Variants in PRKN observed in about 807,000 individuals in gnomAD.
PRKN encodes parkin RBR E3 ubiquitin protein ligase, also known as E3 ubiquitin-protein ligase parkin.
In PRKN, 56 loss-of-function variants were observed where a neutral mutation model predicts 59.5. The ratio of observed to expected loss-of-function variants is 0.94; its 90% confidence interval spans 0.76 to 1.18. PRKN has a LOEUF of 1.18. PRKN is among the 50% of genes most tolerant of loss of function. The probability of loss-of-function intolerance (pLI) is 0.00; values close to 1 mark genes in which losing one functional copy is unlikely to be tolerated. For synonymous variants in PRKN, 250 were observed against 222.1 expected, an observed-to-expected ratio of 1.13 and a Z score of -1.12; for missense variants, 657 against 596.4, an observed-to-expected ratio of 1.10 and a Z score of -1.06.
At chr6:161,662,040 A>G (rs1280400845) in intron 7 of PRKN, among the ~76,000 whole-genome samples, 1 of 152,134 alleles carries the variant, frequency 6.6e-6, no homozygotes, top group Non-Finnish European at 1.5e-5. Context: ...CAAACAAAAA[A>G]ACCATGTAGT....
At chr6:161,892,154 C>T (rs1399168727) in intron 6 of PRKN, among the ~76,000 whole-genome samples, 2 of 152,108 alleles carry the variant, frequency 1.3e-5, no homozygotes, top group Non-Finnish European at 2.9e-5. Context: ...AAATAATGGG[C>T]TGGGTACAGG....
At chr6:161,724,464 T>C (rs889187303) in intron 7 of PRKN, among the ~76,000 whole-genome samples, 2 of 152,180 alleles carry the variant, frequency 1.3e-5, no homozygotes, top group Non-Finnish European at 2.9e-5. Context: ...CCTCTGATGA[T>C]AGTGTGAATT....
chr6:162,694,725 T>G (rs1197287708), intron 1 of PRKN: 3 of 152,254 alleles, frequency 2.0e-5, no homozygotes, highest in Non-Finnish European at 4.4e-5. Context: ...TGTGATTTCA[T>G]GAAAGGATAC....
chr6:162,362,773 C>G (rs1359913883), intron 2 of PRKN, among the ~76,000 whole-genome samples: 1 of 151,932 alleles, frequency 6.6e-6, no homozygotes, highest in Non-Finnish European at 1.5e-5. Flanking sequence ...TCCTCTAGCC[C>G]AGAAAAAAAC....
intron 4 of PRKN, among the ~76,000 whole-genome samples, chr6:162,064,773 A>G (rs1286285192): frequency 6.6e-6 from 1 of 152,258 alleles, no homozygotes; most frequent in African/African-American, 2.4e-5. Context: ...GGGTACTTTC[A>G]TTACATGAAA....
At chr6:161,968,146 G>C (rs1052217784) in intron 6 of PRKN, among the ~76,000 whole-genome samples, 4 of 150,694 alleles carry the variant, frequency 2.7e-5, no homozygotes, top group African/African-American at 9.8e-5. Flanking sequence ...TCAGCCTCCC[G>C]AGTAGCTGGG....
At chr6:162,019,520 T>A (rs1783053606) in intron 5 of PRKN, among the ~76,000 whole-genome samples, 1 of 152,028 alleles carries the variant, frequency 6.6e-6, no homozygotes, top group Non-Finnish European at 1.5e-5. Context: ...TGCAATAACT[T>A]CCCCTGGAAC....
chr6:161,901,603 GA>G (rs1275489484), intron 6 of PRKN, among the ~76,000 whole-genome samples: 9 of 152,174 alleles, frequency 5.9e-5, no homozygotes, highest in African/African-American at 2.2e-4. Flanking sequence ...CTGGCATACA[GA>G]AACAACGGCA....
At chr6:162,021,448 T>C (rs1210203804) in intron 5 of PRKN, among the ~76,000 whole-genome samples, 1 of 6,916 alleles carries the variant, frequency 1.4e-4, no homozygotes, top group African/African-American at 3.3e-4. Context: ...AATATATATA[T>C]ATATATATAT....
intron 1 of PRKN, among the ~76,000 whole-genome samples, chr6:162,676,513 A>G (rs1779551250): frequency 1.3e-5 from 2 of 152,222 alleles, no homozygotes; most frequent in Admixed American, 1.3e-4. Context: ...TCAATAACAT[A>G]GATTTCTGAA....
intron 6 of PRKN, among the ~76,000 whole-genome samples, chr6:161,960,418 AG>A (rs1780338650): frequency 6.6e-6 from 1 of 152,236 alleles, no homozygotes; most frequent in Non-Finnish European, 1.5e-5. Context: ...ATGAAAGGGA[AG>A]GCAGAAGCAG....
intron 4 of PRKN, among the ~76,000 whole-genome samples, chr6:162,114,662 A>C (rs1780589061): frequency 6.7e-6 from 1 of 150,272 alleles, no homozygotes; most frequent in Non-Finnish European, 1.5e-5. Context: ...AAAACAAACA[A>C]CCCTATCAAA....
intron 2 of PRKN, among the ~76,000 whole-genome samples, chr6:162,353,134 T>C (rs900713183): frequency 6.6e-6 from 1 of 152,302 alleles, no homozygotes; most frequent in African/African-American, 2.4e-5. Context: ...AATGCCACCA[T>C]GCTCTCAACC....
rs1787083684 is a variant in PRKN at position 161,402,239 on chromosome 6, C to A, written c.1084-15362G>T. Among the ~76,000 whole-genome samples the A allele has an allele frequency of 1.3e-5, 2 of 152,188 alleles. No homozygotes were observed. Among genetic ancestry groups the A allele is most frequent in the South Asian group, 4.1e-4 (2 of 4,826 alleles). On this transcript the variant is annotated intron_variant, in intron 9 of 11. Coordinates refer to ENST00000366898, the MANE Select transcript of PRKN (RefSeq NM_004562.3). This position sits in a 1 kb window ranked among gnomAD's most constrained non-coding sequence, Gnocchi z 4.5. Reference sequence around the variant, plus strand: ...TGACCTGAAAAATGCTATCTCCCAGCAACATGCACACCTTGCAGTGTCTTA... The same window carrying A: ...TGACCTGAAAAATGCTATCTCCCAGAAACATGCACACCTTGCAGTGTCTTA...
At chr6:162,460,577 C>T (rs1445975955) in intron 1 of PRKN, among the ~76,000 whole-genome samples, 1 of 152,094 alleles carries the variant, frequency 6.6e-6, no homozygotes, top group African/African-American at 2.4e-5. Context: ...AAAATAAAAC[C>T]AACCAAATCT....
chr6:162,665,507 C>T (rs1779066651), intron 1 of PRKN, among the ~76,000 whole-genome samples: 1 of 152,016 alleles, frequency 6.6e-6, no homozygotes, highest in Non-Finnish European at 1.5e-5. Context: ...AGGGGAACTA[C>T]AAATCACTGC....
intron 2 of PRKN, among the ~76,000 whole-genome samples, chr6:162,380,487 ATATACACACATATATATGTGTG>A (rs1562716636): frequency 3.2e-4 from 12 of 37,990 alleles, no homozygotes; most frequent in Non-Finnish European, 5.5e-4. Context: ...ATATATGTAT[ATATACACACATATATATGTGTG>A]TATATATATA....
chr6:161,367,281 G>A (rs896029730), intron 10 of PRKN, among the ~76,000 whole-genome samples: 9 of 151,842 alleles, frequency 5.9e-5, no homozygotes, highest in Non-Finnish European at 2.9e-5. Flanking sequence ...GCGCCCGGCC[G>A]TGTCTGAAGT....
intron 6 of PRKN, among the ~76,000 whole-genome samples, chr6:161,954,044 T>C (rs145950515): frequency 1.1e-4 from 16 of 152,306 alleles, no homozygotes; most frequent in South Asian, 6.2e-4. Context: ...AATGTTATTC[T>C]GAGCATTTAA....
Sources: allele counts gnomAD v4.1 joint callset (sites outside exome capture counted in the v4.1 genomes callset), GRCh38; gene constraint gnomAD v4.1.1; non-coding constraint Gnocchi (gnomAD v3.1); transcripts MANE v1.5; gene names NCBI Gene and HGNC (gene_info 2026-07-23, HGNC 2026-07-21).